ATF6: variants seen among roughly 807,000 people sequenced by gnomAD.
ATF6 encodes activating transcription factor 6, also known as cyclic AMP-dependent transcription factor ATF-6 alpha.
ATF6 carries 53 observed loss-of-function variants against 83.6 expected under a neutral mutation model. The ratio of observed to expected loss-of-function variants is 0.63; its 90% CI spans 0.51 to 0.80. ATF6 has a LOEUF of 0.80. ATF6 is among the 30% of genes least tolerant of loss of function. The pLI is 0.00. For synonymous variants in ATF6, 288 were observed against 285.8 expected (o/e 1.01, Z -0.08); for missense variants, 744 against 797.9 (o/e 0.93, Z 0.81).
chr1:161,940,722 C>T (rs1688625170), intron 15 of ATF6, among the ~76,000 whole-genome samples: 2 of 152,080 alleles, frequency 1.3e-5, no homozygotes, highest in Admixed American at 1.3e-4. Context: ...CCACACCCAG[C>T]TAATTTTTTT....
rs1571193406 is a variant in ATF6, at chr1:161,856,084, A to G, written c.1533+2761A>G. The stretch of plus-strand genomic sequence containing the variant: ...TTACATGCTAATGGAAACATCTTAA[A>G]CTATTTAATTATTTCCTGACTAATT... On this transcript the variant is annotated intron_variant, in intron 12 of 15. Transcript: ENST00000367942. Among the ~76,000 whole-genome samples the G allele has an allele frequency of 2.0e-5, 3 of 152,346 alleles. No homozygotes were observed. In the South Asian group the frequency reaches 6.2e-4, roughly 32 times the overall value.
chr1:161,904,053 C>A (rs1009765335), intron 14 of ATF6, among the ~76,000 whole-genome samples: 1 of 152,128 alleles, frequency 6.6e-6, no homozygotes, highest in Admixed American at 6.5e-5. Context: ...TTAGAAGGAC[C>A]TACCATTGGC....
Position 161,781,994 on chromosome 1 carries a change from G to A in ATF6, c.242G>A (p.Cys81Tyr). Residue 81 changes from cysteine to tyrosine, a missense_variant, in exon 3 of 16, where the codon TGT becomes TAT. Transcript: ENST00000367942. Reference protein sequence around the residue: ...SDIWDINNQICTVKDIKAEPQ... With the variant: ...SDIWDINNQIYTVKDIKAEPQ... ...ATTTGGGACATCAACAACCAAATCT[G>A]TACAGGTAATTATGTGTTTCACTGG... 1 of 1,595,530 alleles carries A rather than the reference G, an allele frequency of 6.3e-7. No individual in the cohort carries two copies. The highest frequency in any genetic ancestry group is 8.6e-7 in the Non-Finnish European group (1 of 1,167,170).
chr1:161,913,897 AG>A (rs1688040096), intron 15 of ATF6, among the ~76,000 whole-genome samples: 1 of 152,224 alleles, frequency 6.6e-6, no homozygotes, highest in African/African-American at 2.4e-5. Context: ...CTTATGCAAG[AG>A]AATGCCTGGT....
intron 14 of ATF6, among the ~76,000 whole-genome samples, chr1:161,892,529 T>A (rs551390834): frequency 6.9e-4 from 105 of 152,324 alleles, no homozygotes; most frequent in African/African-American, 2.4e-3. Flanking sequence ...CCTGTAATAC[T>A]TTTTCCCCCA....
At chr1:161,954,632 T>A (rs1416789295) in intron 15 of ATF6, among the ~76,000 whole-genome samples, 1 of 152,220 alleles carries the variant, frequency 6.6e-6, no homozygotes, top group Non-Finnish European at 1.5e-5. Flanking sequence ...AATTCAGTTA[T>A]TGCATGTTAA....
intron 9 of ATF6, among the ~76,000 whole-genome samples, chr1:161,828,880 A>C (rs949127397): frequency 6.6e-6 from 1 of 152,122 alleles, no homozygotes; most frequent in Non-Finnish European, 1.5e-5. Context: ...TCCTAGAAAA[A>C]CTGGAGACCC....
Position 161,792,209 on chromosome 1 carries a change from C to T in ATF6, c.570C>T (p.Pro190=), listed in dbSNP as rs1486477066. 1.2e-6 allele frequency: 2 copies of T among 1,614,112 alleles called. No homozygotes were observed. The highest frequency in any genetic ancestry group is 1.7e-5 in the Admixed American group (1 of 60,016). The change falls in exon 6 of 16, where the codon CCC becomes CCT. Residue 190 remains proline (P), a synonymous_variant. Transcript: ENST00000367942. ...AGCCTTTATTGCTTCCAGCAGCACC[C>T]AAGACTCAAACAAACTCCAGTGTTC... ...QPKPLLLPAA[P]KTQTNSSVPA...
At chr1:161,827,371 G>A (rs751705403) in intron 9 of ATF6, among the ~76,000 whole-genome samples, 1 of 152,040 alleles carries the variant, frequency 6.6e-6, no homozygotes, top group East Asian at 1.9e-4. Context: ...GTAGTCTTGT[G>A]TATCTAGAAA....
At position 161,846,563 on chromosome 1, in the gene ATF6, C is replaced by A. The variant is rs745600886; in HGVS notation, c.1302C>A (p.Ile434=). 2 of 1,603,800 alleles carry A rather than the reference C, an allele frequency of 1.2e-6. No homozygotes were observed. The highest frequency in any genetic ancestry group is 1.7e-6 in the Non-Finnish European group (2 of 1,174,854). ...KEAQDTSDGI[I]QKNSYRYDHS... ...CACAGGACACATCAGATGGTATTAT[C>A]CAGAAAAACAGCTACAGGTAAGATG... The change falls in exon 10 of 16, where the codon ATC becomes ATA. Residue 434 remains isoleucine, a synonymous_variant. Transcript: ENST00000367942.
chr1:161,937,812 C>G (rs1688568550), intron 15 of ATF6, among the ~76,000 whole-genome samples: 1 of 151,744 alleles, frequency 6.6e-6, no homozygotes, highest in Non-Finnish European at 1.5e-5. Context: ...ATGGGTGCAG[C>G]AAACCACCAT....
intron 14 of ATF6, among the ~76,000 whole-genome samples, chr1:161,902,884 G>C (rs1029115771): frequency 1.1e-4 from 16 of 152,162 alleles, no homozygotes; most frequent in Admixed American, 5.9e-4. Flanking sequence ...AACTAAGGTG[G>C]CTAGGAAAGA....
In ATF6 at chr1:161,792,240, A is replaced by C; in HGVS notation, c.601A>C (p.Lys201Gln). 6.2e-7 allele frequency: 1 copy of C among 1,614,158 alleles called. No individual in the cohort carries two copies. Among genetic ancestry groups the C allele is most frequent in the Middle Eastern group, 1.6e-4 (1 of 6,062 alleles). Reference protein sequence around the residue: ...KTQTNSSVPAKTIIIQTVPTL... With the variant: ...KTQTNSSVPAQTIIIQTVPTL... ...TCAAACAAACTCCAGTGTTCCAGCA[A>C]AAACCATCATTATTCAGACAGTACC... The change falls in exon 6 of 16, where the codon AAA (lysine) becomes CAA (glutamine). Residue 201 changes from lysine (K) to glutamine (Q), a missense_variant. Transcript: ENST00000367942.
chr1:161,887,851 G>T (rs1687459926), intron 14 of ATF6, among the ~76,000 whole-genome samples: 1 of 152,198 alleles, frequency 6.6e-6, no homozygotes, highest in Non-Finnish European at 1.5e-5. Flanking sequence ...ATCCTGCTGG[G>T]CTGTGGAGAA....
At chr1:161,820,555 A>T (rs1056487095) in intron 8 of ATF6, among the ~76,000 whole-genome samples, 1 of 152,296 alleles carries the variant, frequency 6.6e-6, no homozygotes, top group Non-Finnish European at 1.5e-5. Context: ...GATCAAGACC[A>T]TCCTGGCCAA....
At chr1:161,926,169 AG>A (rs1474819932) in intron 15 of ATF6, among the ~76,000 whole-genome samples, 1 of 152,230 alleles carries the variant, frequency 6.6e-6, no homozygotes, top group Non-Finnish European at 1.5e-5. Flanking sequence ...ATGCTTTTAT[AG>A]GGACAACAGT....
chr1:161,806,790 C>G (rs1685292703), intron 7 of ATF6, among the ~76,000 whole-genome samples: 1 of 152,126 alleles, frequency 6.6e-6, no homozygotes, highest in Non-Finnish European at 1.5e-5. Flanking sequence ...TCCTTTGCTA[C>G]TGGTTTGCAG....
intron 14 of ATF6, among the ~76,000 whole-genome samples, chr1:161,902,233 T>C (rs1404425215): frequency 1.3e-5 from 2 of 152,204 alleles, no homozygotes; most frequent in Admixed American, 6.5e-5. Flanking sequence ...GTTGTTCAGC[T>C]TGTAAATCAT....
At chr1:161,891,644 G>A (rs1442762319) in intron 14 of ATF6, 1 of 152,156 alleles carries the variant, frequency 6.6e-6, no homozygotes, top group Non-Finnish European at 1.5e-5. Flanking sequence ...AGAAGATCAA[G>A]ATCCCTCGGA....
Sources: gnomAD v4.1 joint callset for allele counts (sites outside exome capture counted in the v4.1 genomes callset) on GRCh38, gnomAD v4.1.1 for gene constraint, MANE v1.5 for transcripts, NCBI Gene and HGNC (gene_info 2026-07-23, HGNC 2026-07-21) for gene names.